Variants in RANBP10 observed in about 807,000 individuals in gnomAD.
RANBP10 encodes RAN binding protein 10.
RANBP10 carries 24 observed loss-of-function variants against 72.8 expected under a neutral mutation model. The observed-to-expected ratio is 0.33, with a 90% CI of 0.24 to 0.46. RANBP10 has a LOEUF of 0.46. Among genes scored for constraint, RANBP10 ranks in the 20% least tolerant of loss-of-function variants. The pLI is 1.00. For synonymous variants in RANBP10, 310 were observed against 322.3 expected (o/e 0.96, Z 0.41); for missense variants, 679 against 817.5 (o/e 0.83, Z 2.07).
chr16:67,756,259 C>T (rs2054283604), intron 3 of RANBP10, among the ~76,000 whole-genome samples: 1 of 152,222 alleles, frequency 6.6e-6, no homozygotes, highest in Non-Finnish European at 1.5e-5. Context: ...GGCCTCAGTC[C>T]CAGGCAGTGA....
chr16:67,753,076 C>CA (rs1275051024), intron 3 of RANBP10, among the ~76,000 whole-genome samples: 3 of 151,272 alleles, frequency 2.0e-5, no homozygotes, highest in Middle Eastern at 6.8e-3. Context: ...CCCATACCTA[C>CA]AAAAAAATAC....
chr16:67,765,926 G>A (rs2054494455), intron 3 of RANBP10, among the ~76,000 whole-genome samples: 1 of 152,132 alleles, frequency 6.6e-6, no homozygotes, highest in African/African-American at 2.4e-5. Flanking sequence ...GGTGGAAGGA[G>A]CACTCGGCCC....
At chr16:67,746,713 G>A (rs756561577) in intron 3 of RANBP10, among the ~76,000 whole-genome samples, 3 of 152,098 alleles carry the variant, frequency 2.0e-5, no homozygotes, top group Non-Finnish European at 2.9e-5. Context: ...CCCAGTCCCC[G>A]GCAACACTAA....
intron 2 of RANBP10, among the ~76,000 whole-genome samples, chr16:67,783,303 C>T (rs1597903283): frequency 6.6e-6 from 1 of 152,174 alleles, no homozygotes. Flanking sequence ...GGCCACCTGA[C>T]TCTCACACCT....
chr16:67,800,273 T>C (rs2055211147), intron 2 of RANBP10, among the ~76,000 whole-genome samples: 1 of 152,202 alleles, frequency 6.6e-6, no homozygotes, highest in African/African-American at 2.4e-5. Flanking sequence ...ACCCCTGCTC[T>C]GGGCCTGGGC....
intron 3 of RANBP10, among the ~76,000 whole-genome samples, chr16:67,758,682 A>C (rs1004118593): frequency 6.6e-6 from 1 of 152,226 alleles, no homozygotes; most frequent in Non-Finnish European, 1.5e-5. Flanking sequence ...CAGGTTTCAG[A>C]ACTGGCCCTC....
chr16:67,770,896 G>T lies in RANBP10; in HGVS notation c.400+1138C>A, dbSNP rs976679580. On this transcript the variant is annotated intron_variant, in intron 3 of 13. Coordinates refer to ENST00000317506, the MANE Select transcript of RANBP10 (RefSeq NM_020850.3). ...GAGCCAACCAGAAGGTTGAGAAGGT[G>T]GTGCCAAGATCGCGCCACTACACTC... Among the ~76,000 whole-genome samples, 28 of 152,178 alleles carry T rather than the reference G, an allele frequency of 1.8e-4. 1 individual carries two copies. Among genetic ancestry groups the T allele is most frequent in the African/African-American group, 6.5e-4 (27 of 41,432 alleles).
intron 3 of RANBP10, among the ~76,000 whole-genome samples, chr16:67,755,375 G>A (rs1156822340): frequency 6.6e-6 from 1 of 152,158 alleles, no homozygotes; most frequent in Non-Finnish European, 1.5e-5. Flanking sequence ...AGGGGACTGG[G>A]ATGTGAGGGC....
chr16:67,739,269 T>C (rs1177951352), intron 4 of RANBP10, among the ~76,000 whole-genome samples: 1 of 152,166 alleles, frequency 6.6e-6, no homozygotes, highest in Non-Finnish European at 1.5e-5. Context: ...CCTCGCCCCT[T>C]TTCCATCCAT....
chr16:67,782,732 C>T (rs1031030360), intron 2 of RANBP10, among the ~76,000 whole-genome samples: 4 of 151,702 alleles, frequency 2.6e-5, no homozygotes, highest in African/African-American at 9.7e-5. Flanking sequence ...GGATTACAGG[C>T]ATAAGCCACC....
At chr16:67,799,286 T>TC (rs2055190728) in intron 2 of RANBP10, among the ~76,000 whole-genome samples, 1 of 94,196 alleles carries the variant, frequency 1.1e-5, no homozygotes, top group African/African-American at 9.4e-5. Flanking sequence ...TCCACATCTC[T>TC]TTTTTTTTTT....
At chr16:67,792,052 A>G (rs1363071671) in intron 2 of RANBP10, among the ~76,000 whole-genome samples, 1 of 151,620 alleles carries the variant, frequency 6.6e-6, no homozygotes, top group Non-Finnish European at 1.5e-5. Context: ...CTCAAAAAAA[A>G]AAAAAAAAAG....
chr16:67,753,111 T>C (rs2054226922), intron 3 of RANBP10, among the ~76,000 whole-genome samples: 1 of 149,600 alleles, frequency 6.7e-6, no homozygotes, highest in African/African-American at 2.5e-5. Context: ...TGTGGCGGTG[T>C]GTACTTGTGG....
intron 2 of RANBP10, among the ~76,000 whole-genome samples, chr16:67,782,190 G>A (rs2054825702): frequency 6.6e-6 from 1 of 151,916 alleles, no homozygotes; most frequent in African/African-American, 2.4e-5. Flanking sequence ...TCCCAAGCTG[G>A]AGTGCAATGG....
At chr16:67,792,277 A>G (rs1251318648) in intron 2 of RANBP10, among the ~76,000 whole-genome samples, 1 of 151,982 alleles carries the variant, frequency 6.6e-6, no homozygotes, top group Admixed American at 6.6e-5. Context: ...AGGCTAGACC[A>G]GGCACCGTGG....
chr16:67,779,052 C>G (rs2143014598), intron 2 of RANBP10, among the ~76,000 whole-genome samples: 1 of 152,140 alleles, frequency 6.6e-6, no homozygotes, highest in African/African-American at 2.4e-5. Flanking sequence ...CCCGCCATTG[C>G]ACTCCAGAGC....
intron 2 of RANBP10, among the ~76,000 whole-genome samples, chr16:67,784,807 G>A (rs556732222): frequency 4.0e-5 from 6 of 148,264 alleles, no homozygotes; most frequent in Non-Finnish European, 5.9e-5. Context: ...TGACAAGAGC[G>A]AAACTCCATC....
At chr16:67,744,776 G>C (rs192604844) in intron 3 of RANBP10, among the ~76,000 whole-genome samples, 7 of 152,232 alleles carry the variant, frequency 4.6e-5, no homozygotes, top group African/African-American at 1.7e-4. Context: ...GAAGGAGTGG[G>C]AGCTGGAAGT....
intron 3 of RANBP10, among the ~76,000 whole-genome samples, chr16:67,747,263 C>A (rs73591952): frequency 0.052 from 7,901 of 152,154 alleles, 575 homozygotes; most frequent in African/African-American, 0.17. Flanking sequence ...TTTTAATATA[C>A]ATTTTCCCTA....
Sources: gnomAD v4.1 joint callset for allele counts (sites outside exome capture counted in the v4.1 genomes callset) on GRCh38, gnomAD v4.1.1 for gene constraint, MANE v1.5 for transcripts, NCBI Gene and HGNC (gene_info 2026-07-23, HGNC 2026-07-21) for gene names.